XPNPEP3: variants seen among roughly 807,000 people sequenced by gnomAD.
XPNPEP3 encodes the protein xaa-Pro aminopeptidase 3.
Under a neutral mutation model 60.0 loss-of-function variants are expected in XPNPEP3, and 41 were observed. The observed-to-expected ratio is 0.68, with a 90% CI of 0.53 to 0.89. The LOEUF (loss-of-function observed/expected upper bound fraction) is 0.89. Among genes scored for constraint, XPNPEP3 ranks in the 40% least tolerant of loss-of-function variants. The pLI, the probability that XPNPEP3 is intolerant of heterozygous loss-of-function variation, is 0.00. For synonymous variants in XPNPEP3, 212 were observed against 223.2 expected (o/e 0.95, Z 0.45); for missense variants, 598 against 638.9 (o/e 0.94, Z 0.69).
Position 40,861,712 on chromosome 22 carries a change from C to A in XPNPEP3, c.64+4467C>A, listed in dbSNP as rs2057948905. Reference sequence around the variant, plus strand: ...TCATGAAAAATTTCTTTAAAAACATCATCTGGCTTATGGAATGTGAAGCCG... The same window carrying A: ...TCATGAAAAATTTCTTTAAAAACATAATCTGGCTTATGGAATGTGAAGCCG... On this transcript the variant is annotated intron_variant, in intron 1 of 9. Transcript: ENST00000357137. 1.2e-6 allele frequency: 2 copies of A among 1,614,038 alleles called. No individual in the cohort carries two copies. Among genetic ancestry groups the A allele is most frequent in the African/African-American group, 2.7e-5 (2 of 75,020 alleles).
At chr22:40,904,236 T>C (rs2058145866) in intron 4 of XPNPEP3, among the ~76,000 whole-genome samples, 1 of 152,170 alleles carries the variant, frequency 6.6e-6, no homozygotes, top group Non-Finnish European at 1.5e-5. Flanking sequence ...CTGCATATCA[T>C]GTGTACCTGG....
intron 4 of XPNPEP3, among the ~76,000 whole-genome samples, chr22:40,901,889 TTTC>T (rs749258322): frequency 1.3e-5 from 2 of 152,262 alleles, no homozygotes; most frequent in Non-Finnish European, 1.5e-5. Context: ...GGTAAGGGAT[TTTC>T]TTTTCTGGTG....
rs543596948 is a variant in XPNPEP3, at chr22:40,928,268, G to A, written c.*1833G>A. 3.4e-5 allele frequency: 5 copies of A among 149,004 alleles called. No individual in the cohort carries two copies. The highest frequency in any genetic ancestry group is 4.2e-4 in the South Asian group (2 of 4,748). 9.2% of individuals were successfully genotyped at this position (149,004 alleles called of 1,614,324 possible). Reference sequence around the variant, plus strand: ...CCTGGGCTGGATGGAGTGCAGTGGCGTAATCTCAGCTCACTACAACCTCCA... The same window carrying A: ...CCTGGGCTGGATGGAGTGCAGTGGCATAATCTCAGCTCACTACAACCTCCA... On this transcript the variant is annotated 3_prime_UTR_variant, in exon 10 of 10. Coordinates refer to ENST00000357137, the MANE Select transcript of XPNPEP3 (RefSeq NM_022098.4).
At chr22:40,890,399 T>A (rs753415218) in intron 4 of XPNPEP3, among the ~76,000 whole-genome samples, 9 of 151,566 alleles carry the variant, frequency 5.9e-5, no homozygotes, top group South Asian at 4.2e-4. Context: ...AAAATTTTTT[T>A]AAAATAGCCA....
At position 40,927,150 on chromosome 22, in the gene XPNPEP3, G is replaced by T. The variant is rs548574099; in HGVS notation, c.*715G>T. On this transcript the variant is annotated 3_prime_UTR_variant, in exon 10 of 10. Transcript: ENST00000357137. ...TCTTGATAAAGATGGAAATGGAAGA[G>T]AAAGAAAATTATATATGTATATACT... The T allele has an allele frequency of 6.5e-6, 1 of 153,744 alleles. No individual in the cohort carries two copies. The highest frequency in any genetic ancestry group is 1.9e-4 in the East Asian group (1 of 5,200). 9.5% of individuals were successfully genotyped at this position (153,744 alleles called of 1,614,324 possible).
At chr22:40,859,638 C>T (rs542901075) in intron 1 of XPNPEP3, 1 of 152,228 alleles carries the variant, frequency 6.6e-6, no homozygotes, top group East Asian at 1.9e-4. Flanking sequence ...GAATAAATAA[C>T]CTTTCCTTCT....
In XPNPEP3 at chr22:40,882,042, T is replaced by C; in HGVS notation, c.454T>C (p.Phe152Leu). The change falls in exon 3 of 10, where the codon TTT becomes CTT. Residue 152 changes from phenylalanine (F) to leucine (L), a missense_variant. Transcript: ENST00000357137. ...ATTACCATCACACAAAGCCATACTT[T>C]TTGTGCCTCGGCGAGATCCCAGTCG... is the stretch of plus-strand genomic sequence containing the variant. ...KQLPSHKAIL[F>L]VPRRDPSREL... The C allele has an allele frequency of 2.5e-6, 4 of 1,614,142 alleles. No homozygotes were observed. The highest frequency in any genetic ancestry group is 1.7e-6 in the Non-Finnish European group (2 of 1,180,022).
chr22:40,894,966 G>T (rs1245506433), intron 4 of XPNPEP3, among the ~76,000 whole-genome samples: 3 of 152,158 alleles, frequency 2.0e-5, no homozygotes, highest in Non-Finnish European at 4.4e-5. Flanking sequence ...TTTGTGTCCA[G>T]TTCTTCTATC....
At chr22:40,858,492 C>A (rs927034015) in intron 1 of XPNPEP3, among the ~76,000 whole-genome samples, 1 of 147,032 alleles carries the variant, frequency 6.8e-6, no homozygotes, top group Non-Finnish European at 1.5e-5. Context: ...CAGCACTAAG[C>A]GTTGCAATCG....
At chr22:40,860,966 GA>G in intron 1 of XPNPEP3, 1 of 1,174,310 alleles carries the variant, frequency 8.5e-7, no homozygotes, top group Non-Finnish European at 1.2e-6. Context: ...TAAAAGTGTT[GA>G]AAAGCTCTTA....
chr22:40,873,521 C>T (rs2058016047), intron 2 of XPNPEP3, among the ~76,000 whole-genome samples: 1 of 152,002 alleles, frequency 6.6e-6, no homozygotes, highest in African/African-American at 2.4e-5. Context: ...TCTCTATCGT[C>T]AACTATAATG....
At chr22:40,893,182 T>C (rs2058094993) in intron 4 of XPNPEP3, among the ~76,000 whole-genome samples, 1 of 147,878 alleles carries the variant, frequency 6.8e-6, no homozygotes, top group Non-Finnish European at 1.5e-5. Context: ...ATAATTAATA[T>C]GCAAAACAGG....
At chr22:40,884,156 G>C (rs973471710) in intron 3 of XPNPEP3, among the ~76,000 whole-genome samples, 4 of 151,916 alleles carry the variant, frequency 2.6e-5, no homozygotes, top group Admixed American at 6.6e-5. Flanking sequence ...TCAATTCATT[G>C]AACTTTCTTA....
chr22:40,878,909 T>G (rs1477849891), intron 2 of XPNPEP3, among the ~76,000 whole-genome samples: 1 of 152,108 alleles, frequency 6.6e-6, no homozygotes, highest in East Asian at 1.9e-4. Flanking sequence ...TTCTTTTTAT[T>G]TTATGGACTA....
At chr22:40,862,296 C>A (rs976280629) in intron 1 of XPNPEP3, 2 of 1,066,314 alleles carry the variant, frequency 1.9e-6, no homozygotes, top group East Asian at 1.4e-4. Flanking sequence ...TGGACTGTTT[C>A]CCCTGTATGT....
chr22:40,884,527 T>G (rs983541378), intron 3 of XPNPEP3, among the ~76,000 whole-genome samples: 1 of 150,928 alleles, frequency 6.6e-6, no homozygotes, highest in Non-Finnish European at 1.5e-5. Context: ...AGAGACAAGG[T>G]TTTACCATGT....
chr22:40,906,884 C>G (rs2058157476), intron 4 of XPNPEP3, among the ~76,000 whole-genome samples: 1 of 152,136 alleles, frequency 6.6e-6, no homozygotes, highest in South Asian at 2.1e-4. Context: ...AAGGGAAATT[C>G]CTGATAGGGG....
At chr22:40,870,425 A>G (rs768421791) in intron 2 of XPNPEP3, 30 of 170,120 alleles carry the variant, frequency 1.8e-4, no homozygotes, top group Non-Finnish European at 3.4e-4. Flanking sequence ...GTACACGTAT[A>G]TGTTCACATA....
intron 3 of XPNPEP3, among the ~76,000 whole-genome samples, chr22:40,884,443 C>T (rs1010668109): frequency 1.3e-5 from 2 of 151,680 alleles, no homozygotes; most frequent in African/African-American, 4.8e-5. Flanking sequence ...AATTCTCCTG[C>T]CTCAGCCTCC....
Sources: gnomAD v4.1 joint callset for allele counts (sites outside exome capture counted in the v4.1 genomes callset) on GRCh38, gnomAD v4.1.1 for gene constraint, MANE v1.5 for transcripts, NCBI Gene and HGNC (gene_info 2026-07-23, HGNC 2026-07-21) for gene names.